ZNF787: variants seen among roughly 807,000 people sequenced by gnomAD.
ZNF787 encodes the protein zinc finger protein 787, also known as TTF-I-interacting peptide 20.
ZNF787 carries 7 observed loss-of-function variants against 16.9 expected under a neutral mutation model. The observed-to-expected ratio is 0.42, with a 90% CI of 0.24 to 0.78. ZNF787 has a LOEUF of 0.78. Among genes scored for constraint, ZNF787 ranks in the 30% least tolerant of loss-of-function variants. ZNF787 has a pLI of 0.30. For synonymous variants in ZNF787, 345 were observed against 270.9 expected, an observed-to-expected ratio of 1.27 and a Z score of -2.69; for missense variants, 551 against 589.3, an observed-to-expected ratio of 0.94 and a Z score of 0.67.
In ZNF787 at chr19:56,102,467, G is replaced by C. The variant is rs1330146511; in HGVS notation, c.79+672C>G. On this transcript the variant is annotated intron_variant, in intron 2 of 2. Transcript: ENST00000610935. ...GGAGGGAGGCCATGAGGTGTCAGGG[G>C]CCACAGTGAGGTCACCATGGGGCCT... is the stretch of plus-strand genomic sequence containing the variant. 3.5e-5 allele frequency: 6 copies of C among 171,992 alleles called. No homozygotes were observed. In the Admixed American group the frequency reaches 3.7e-4, roughly 11 times the overall value. The allele number at this position is 171,992 out of a possible 1,614,324, so 10.7% of individuals were successfully genotyped here.
chr19:56,118,170 T>A (rs989687299), intron 1 of ZNF787, among the ~76,000 whole-genome samples: 1 of 152,152 alleles, frequency 6.6e-6, no homozygotes, highest in African/African-American at 2.4e-5. Context: ...ACACTGGAGG[T>A]GTGACTGCTC....
intron 2 of ZNF787, among the ~76,000 whole-genome samples, chr19:56,093,172 C>CA (rs1275054114): frequency 7.4e-6 from 1 of 134,616 alleles, no homozygotes; most frequent in African/African-American, 2.9e-5. Flanking sequence ...TCCATAGACA[C>CA]GGGGATGGCG....
Position 56,088,106 on chromosome 19 carries a change from G to C in ZNF787, c.1066C>G (p.Arg356Gly), listed in dbSNP as rs763783130. 30 of 1,528,350 alleles carry C rather than the reference G, an allele frequency of 2.0e-5. No individual in the cohort carries two copies. Among genetic ancestry groups the C allele is most frequent in the African/African-American group, 1.4e-4 (10 of 69,338 alleles). The allele number at this position is 1,528,350 out of a possible 1,614,324, so 94.7% of individuals were successfully genotyped here. A position where few individuals can be genotyped will look rare whatever the true frequency, so the allele number is the denominator to read the frequency against. The change falls in exon 3 of 3, where the codon CGC becomes GGC. Residue 356 changes from arginine to glycine, a missense_variant. Transcript: ENST00000610935. The surrounding 1 kb of genome is among the most constrained non-coding windows in gnomAD (Gnocchi z 8.6). ...VCSSCGQSYY[R>G]AGGEEEDDDD... The stretch of plus-strand genomic sequence containing the variant: ...TCGTCCTCCTCCTCCCCGCCCGCGC[G>C]GTAGTAGCTCTGTCCGCAGCTGCTG...
chr19:56,092,186 C>G (rs1399738539), intron 2 of ZNF787, among the ~76,000 whole-genome samples: 1 of 152,150 alleles, frequency 6.6e-6, no homozygotes, highest in Admixed American at 6.5e-5. Context: ...AGTTCTCATT[C>G]AATTAAAAAA....
intron 1 of ZNF787, among the ~76,000 whole-genome samples, chr19:56,110,906 C>A (rs898088023): frequency 4.6e-5 from 7 of 152,210 alleles, no homozygotes; most frequent in African/African-American, 1.7e-4. Flanking sequence ...CAGCTAGGCA[C>A]AAGGCATGAT....
intron 2 of ZNF787, among the ~76,000 whole-genome samples, chr19:56,094,595 T>G (rs865855466): frequency 6.6e-6 from 1 of 152,202 alleles, no homozygotes; most frequent in South Asian, 2.1e-4. Context: ...TTTGTTCTTA[T>G]TTGCAAATCT....
chr19:56,102,812 C>T (rs774509988), intron 2 of ZNF787: 6 of 678,716 alleles, frequency 8.8e-6, no homozygotes, highest in Non-Finnish European at 1.3e-5. Flanking sequence ...GGAGGCGGGG[C>T]TGTGGGGAGA....
Position 56,087,690 on chromosome 19 carries a change from G to C in ZNF787, c.*333C>G, listed in dbSNP as rs951960311. ...CCCCCCACCCCCGCCCCGGACAACT[G>C]AGGAAGAGCAGGGAAAATGGCCTTC... is the stretch of plus-strand genomic sequence containing the variant. On this transcript the variant is annotated 3_prime_UTR_variant, in exon 3 of 3. Coordinates refer to ENST00000610935, the MANE Select transcript of ZNF787 (RefSeq NM_001002836.4). 1.5e-4 allele frequency: 27 copies of C among 177,938 alleles called. No individual in the cohort carries two copies. The highest frequency in any genetic ancestry group is 2.4e-4 in the Non-Finnish European group (21 of 87,066). 11.0% of individuals were successfully genotyped at this position (177,938 alleles called of 1,614,324 possible).
chr19:56,092,050 C>G (rs1176336978), intron 2 of ZNF787, among the ~76,000 whole-genome samples: 8 of 137,722 alleles, frequency 5.8e-5, no homozygotes, highest in African/African-American at 2.6e-4. Flanking sequence ...GCCGAAGCCT[C>G]ACCCTCACCC....
intron 1 of ZNF787, among the ~76,000 whole-genome samples, chr19:56,104,626 C>G (rs778156839): frequency 6.6e-6 from 1 of 152,092 alleles, no homozygotes; most frequent in South Asian, 2.1e-4. Context: ...CCAAACCGTG[C>G]CATGCACCAA....
chr19:56,101,633 G>A (rs916391764), intron 2 of ZNF787: 1 of 152,142 alleles, frequency 6.6e-6, no homozygotes. Context: ...CTTCCTGTAG[G>A]GCTTTTTCTT....
chr19:56,115,757 T>C (rs750404706), intron 1 of ZNF787, among the ~76,000 whole-genome samples: 2 of 151,974 alleles, frequency 1.3e-5, no homozygotes, highest in East Asian at 1.9e-4. Flanking sequence ...ACTCAACTAC[T>C]TTCCGAGAGG....
rs560896561 is a variant in ZNF787, at chr19:56,096,271, T to C, written c.79+6868A>G. ...AAAAAAATAAAAAAAATAAAAAAAC[T>C]AGCTGGGTGTGGTGGCGTGTGCCTG... is the stretch of plus-strand genomic sequence containing the variant. On this transcript the variant is annotated intron_variant, in intron 2 of 2. Coordinates refer to ENST00000610935, the MANE Select transcript of ZNF787 (RefSeq NM_001002836.4). Among the ~76,000 whole-genome samples the C allele has an allele frequency of 1.9e-3, 146 of 77,824 alleles. 1 individual carries two copies. The highest frequency in any genetic ancestry group is 4.3e-3 in the African/African-American group (140 of 32,308). The allele number at this position is 77,824 out of a possible 152,430, so 51.1% of individuals were successfully genotyped here.
chr19:56,088,188 C>T lies in ZNF787; in HGVS notation c.984G>A (p.Gln328=), dbSNP rs752981609. ...TCTTGTGTCTCCGGAGCGCGGCGCC[C>T]TGCACGAAGCCCTCCCCGCACTCCA... The part of the protein sequence containing the change: ...ICVECGEGFV[Q]GAALRRHKKI... Residue 328 remains glutamine, a synonymous_variant, in exon 3 of 3, where the codon CAG becomes CAA. Transcript: ENST00000610935. This position sits in a 1 kb window ranked among gnomAD's most constrained non-coding sequence, Gnocchi z 8.6. The T allele has an allele frequency of 1.9e-6, 3 of 1,542,870 alleles. No individual in the cohort carries two copies. Among genetic ancestry groups the T allele is most frequent in the Non-Finnish European group, 2.6e-6 (3 of 1,150,648 alleles).
At chr19:56,092,025 G>A (rs111563600) in intron 2 of ZNF787, among the ~76,000 whole-genome samples, 1 of 141,428 alleles carries the variant, frequency 7.1e-6, no homozygotes, top group South Asian at 2.2e-4. Flanking sequence ...AACCGAAGCC[G>A]AAGCCGAAGC....
Position 56,088,002 on chromosome 19 carries a change from C to CCCCCCCCGGGCCCCGCCCG in ZNF787, c.*20_*21insCGGGCGGGGCCCGGGGGGG. 1 of 45,538 alleles carries CCCCCCCCGGGCCCCGCCCG rather than the reference C, an allele frequency of 2.2e-5. No homozygotes were observed. Among genetic ancestry groups the CCCCCCCCGGGCCCCGCCCG allele is most frequent in the Non-Finnish European group, 4.2e-5 (1 of 23,934 alleles). 2.8% of individuals were successfully genotyped at this position (45,538 alleles called of 1,614,324 possible). On this transcript the variant is annotated 3_prime_UTR_variant, in exon 3 of 3. Transcript: ENST00000610935. The surrounding 1 kb of genome is among the most constrained non-coding windows in gnomAD (Gnocchi z 8.6). ...GCCAAGCCCGAGGGGCCCTGCCCGC[C>CCCCCCCCGGGCCCCGCCCG]CCCCCCCCCGGGCCCCTCCCCTACC...
At chr19:56,096,541 C>T (rs1356826346) in intron 2 of ZNF787, among the ~76,000 whole-genome samples, 2 of 150,896 alleles carry the variant, frequency 1.3e-5, no homozygotes, top group Admixed American at 1.3e-4. Flanking sequence ...GGTGAAACCC[C>T]GTTTCTACTA....
intron 2 of ZNF787, among the ~76,000 whole-genome samples, chr19:56,097,003 G>C (rs532064198): frequency 3.9e-5 from 6 of 152,292 alleles, no homozygotes; most frequent in African/African-American, 1.4e-4. Context: ...CCAGGAGGCA[G>C]GTTAGGAAGC....
chr19:56,088,359 C>G lies in ZNF787; in HGVS notation c.813G>C (p.Ser271=). 8.7e-7 allele frequency: 1 copy of G among 1,144,510 alleles called. No homozygotes were observed. Among genetic ancestry groups the G allele is most frequent in the Non-Finnish European group, 1.1e-6 (1 of 931,474 alleles). The allele number at this position is 1,144,510 out of a possible 1,614,324, so 70.9% of individuals were successfully genotyped here. The change falls in exon 3 of 3, where the codon TCG becomes TCC. Residue 271 remains serine, a synonymous_variant. Transcript: ENST00000610935. This position sits in a 1 kb window ranked among gnomAD's most constrained non-coding sequence, Gnocchi z 8.6. ...ACGGCTTGGGGGCCGGGGCGCGCCGCGACCGGGGCCCCGCGGCCTTTGCCC... is the reference window on the plus strand; with the variant it reads ...ACGGCTTGGGGGCCGGGGCGCGCCGGGACCGGGGCCCCGCGGCCTTTGCCC... ...GAGAKAAGPR[S]RRAPAPKPYV...
Sources: gnomAD v4.1 joint callset for allele counts (sites outside exome capture counted in the v4.1 genomes callset) on GRCh38, gnomAD v4.1.1 for gene constraint, Gnocchi (gnomAD v3.1) non-coding constraint, MANE v1.5 for transcripts, NCBI Gene and HGNC (gene_info 2026-07-23, HGNC 2026-07-21) for gene names.